LRRC4C: variants seen among roughly 807,000 people sequenced by gnomAD.
The protein encoded by LRRC4C is leucine-rich repeat-containing protein 4C.
Under a neutral mutation model 33.6 loss-of-function variants are expected in LRRC4C, and 5 were observed. That is an observed-to-expected ratio of 0.15 (90% confidence interval 0.08 to 0.31). The LOEUF is 0.31. LRRC4C is among the 10% of genes least tolerant of loss of function. The pLI is 1.00. For missense variants in LRRC4C, 560 were observed against 796.7 expected (o/e 0.70, Z 3.58); for synonymous variants, 329 against 302.0 (o/e 1.09, Z -0.93).
At chr11:41,350,687 G>A (rs1043530888) in intron 1 of LRRC4C, among the ~76,000 whole-genome samples, 1 of 152,070 alleles carries the variant, frequency 6.6e-6, no homozygotes, top group African/African-American at 2.4e-5. Context: ...TGGCAATGAA[G>A]ATCATCAAGA....
chr11:41,329,099 A>G (rs553969482), intron 1 of LRRC4C, among the ~76,000 whole-genome samples: 1 of 152,352 alleles, frequency 6.6e-6, no homozygotes, highest in East Asian at 1.9e-4. Context: ...TCATTGGCCT[A>G]TTTAACTTCT....
At chr11:40,124,593 G>C (rs926242717) in intron 6 of LRRC4C, among the ~76,000 whole-genome samples, 1 of 152,132 alleles carries the variant, frequency 6.6e-6, no homozygotes, top group African/African-American at 2.4e-5. Flanking sequence ...TTATCTGTGA[G>C]AGCTAAAAAG....
intron 3 of LRRC4C, among the ~76,000 whole-genome samples, chr11:40,630,346 TC>T (rs1963361200): frequency 2.7e-5 from 1 of 36,736 alleles, no homozygotes; most frequent in Non-Finnish European, 7.8e-5. Context: ...TTCTTCTTCT[TC>T]TTCTTCTTCT....
intron 5 of LRRC4C, among the ~76,000 whole-genome samples, chr11:40,165,183 T>G (rs1206755718): frequency 6.6e-6 from 1 of 152,246 alleles, no homozygotes; most frequent in Non-Finnish European, 1.5e-5. Flanking sequence ...TGTGTTTGCA[T>G]ATGTCTGCAC....
At chr11:41,125,140 T>C (rs1392856303) in intron 1 of LRRC4C, among the ~76,000 whole-genome samples, 1 of 152,278 alleles carries the variant, frequency 6.6e-6, no homozygotes, top group Non-Finnish European at 1.5e-5. Flanking sequence ...AACAAAGGTC[T>C]ATCTGCGGAG....
At chr11:40,981,578 A>T (rs765776703) in intron 1 of LRRC4C, among the ~76,000 whole-genome samples, 1 of 152,300 alleles carries the variant, frequency 6.6e-6, no homozygotes, top group African/African-American at 2.4e-5. Flanking sequence ...TCCAGACAAA[A>T]GTTTTCCTGG....
rs1227810778 is a variant in LRRC4C, at chr11:40,576,921, C to T, written c.-270+71221G>A. On this transcript the variant is annotated intron_variant, in intron 3 of 6. Coordinates refer to ENST00000528697, the MANE Select transcript of LRRC4C (RefSeq NM_001258419.2). ...AGTGAATGTATAAAATAACAGATTA[C>T]TAACACTGAGCCTTTGAGGCTTGAT... 3.9e-5 allele frequency among the ~76,000 whole-genome samples: 6 copies of T among 152,278 alleles called. No individual in the cohort carries two copies. The East Asian group carries it at 1.2e-3, about 29-fold the overall frequency.
At chr11:40,857,753 A>G (rs1386549820) in intron 2 of LRRC4C, among the ~76,000 whole-genome samples, 1 of 152,072 alleles carries the variant, frequency 6.6e-6, no homozygotes, top group African/African-American at 2.4e-5. Context: ...TGTCTTTACA[A>G]GAAATACAAA....
intron 3 of LRRC4C, among the ~76,000 whole-genome samples, chr11:40,626,825 T>A (rs1346502479): frequency 6.6e-6 from 1 of 152,178 alleles, no homozygotes; most frequent in East Asian, 1.9e-4. Context: ...AGATGAATAT[T>A]CCTTGTACCC....
In LRRC4C at chr11:40,680,355, G is replaced by T. The variant is rs79328636; in HGVS notation, c.-406-32077C>A. On this transcript the variant is annotated intron_variant, in intron 2 of 6. Coordinates refer to ENST00000528697, the MANE Select transcript of LRRC4C (RefSeq NM_001258419.2). ...ATCCTGAAATAAGTTGAGACTGGGGGACTGTTGGGAGGCATAATTGATTTT... is the reference window on the plus strand; with the variant it reads ...ATCCTGAAATAAGTTGAGACTGGGGTACTGTTGGGAGGCATAATTGATTTT... 6.1e-3 allele frequency among the ~76,000 whole-genome samples: 933 copies of T among 152,276 alleles called. 16 individuals carry two copies. Among genetic ancestry groups the T allele is most frequent in the African/African-American group, 0.022 (906 of 41,556 alleles).
At chr11:41,250,430 A>T (rs111861512) in intron 1 of LRRC4C, among the ~76,000 whole-genome samples, 3 of 152,236 alleles carry the variant, frequency 2.0e-5, no homozygotes, top group African/African-American at 7.2e-5. Context: ...ACCTTCTGAC[A>T]CTGCCTTGTG....
intron 3 of LRRC4C, among the ~76,000 whole-genome samples, chr11:40,373,576 T>C (rs1011996134): frequency 3.3e-5 from 5 of 152,166 alleles, no homozygotes; most frequent in African/African-American, 1.2e-4. Context: ...TGGATGTTTG[T>C]CCCCTGCCAA....
chr11:40,180,274 A>G (rs1002111350), intron 5 of LRRC4C, among the ~76,000 whole-genome samples: 5 of 152,274 alleles, frequency 3.3e-5, no homozygotes, highest in Admixed American at 6.5e-5. Context: ...AGCTATTCAC[A>G]TCTGCACATA....
intron 1 of LRRC4C, among the ~76,000 whole-genome samples, chr11:41,259,753 C>G (rs191013595): frequency 2.7e-4 from 41 of 152,090 alleles, no homozygotes; most frequent in African/African-American, 9.4e-4. Flanking sequence ...TAGCTGCGAA[C>G]TATTTACTTA....
chr11:41,400,128 A>C (rs976937361), intron 1 of LRRC4C, among the ~76,000 whole-genome samples: 1 of 151,960 alleles, frequency 6.6e-6, no homozygotes, highest in African/African-American at 2.4e-5. Context: ...TCTAAGTCAG[A>C]CCCTAGTTCA....
At chr11:40,376,825 C>A (rs1164772008) in intron 3 of LRRC4C, among the ~76,000 whole-genome samples, 1 of 151,820 alleles carries the variant, frequency 6.6e-6, no homozygotes, top group East Asian at 1.9e-4. Context: ...GACTAGCCTG[C>A]AATAAAAACT....
intron 4 of LRRC4C, among the ~76,000 whole-genome samples, chr11:40,257,950 G>C (rs550392690): frequency 1.3e-5 from 2 of 152,100 alleles, no homozygotes; most frequent in Non-Finnish European, 2.9e-5. Context: ...TATTGCTAAC[G>C]GCTATAACAG....
At chr11:40,217,603 T>C (rs1864068582) in intron 5 of LRRC4C, among the ~76,000 whole-genome samples, 1 of 152,158 alleles carries the variant, frequency 6.6e-6, no homozygotes, top group Admixed American at 6.6e-5. Flanking sequence ...GCATTTACAA[T>C]GCATAGTATG....
chr11:40,316,474 A>G (rs1027176802), intron 4 of LRRC4C, among the ~76,000 whole-genome samples: 2 of 151,976 alleles, frequency 1.3e-5, no homozygotes, highest in Admixed American at 1.3e-4. Flanking sequence ...CAAAAAGAAG[A>G]CAGAAGTAAA....
Sources: allele counts gnomAD v4.1 joint callset (sites outside exome capture counted in the v4.1 genomes callset), GRCh38; gene constraint gnomAD v4.1.1; transcripts MANE v1.5; gene names NCBI Gene and HGNC (gene_info 2026-07-23, HGNC 2026-07-21).